DIDO1: variants seen among roughly 807,000 people sequenced by gnomAD.
DIDO1 encodes the protein death inducer-obliterator 1.
A neutral mutation model predicts 99.4 loss-of-function variants in DIDO1; 16 were observed. The ratio of observed to expected loss-of-function variants is 0.16; its 90% CI spans 0.11 to 0.24. DIDO1 has a LOEUF of 0.24. DIDO1 is among the 10% of genes least tolerant of loss of function. DIDO1 has a pLI of 1.00. For missense variants in DIDO1, 2,996 were observed against 3,014.0 expected, an observed-to-expected ratio of 0.99 and a Z score of 0.14; for synonymous variants, 1,366 against 1,239.1, an observed-to-expected ratio of 1.10 and a Z score of -2.15.
At chr20:62,893,081 C>T (rs552200702) in intron 12 of DIDO1, 119 bp from the exon 13 acceptor site, 233 of 1,112,274 alleles carry the variant, frequency 2.1e-4, no homozygotes, top group Non-Finnish European at 2.4e-4. Flanking sequence ...GGCTGGAGTG[C>T]GGTGGTGCAA....
intron 8 of DIDO1, among the ~76,000 whole-genome samples, chr20:62,895,720 G>A (rs955268944): frequency 4.6e-5 from 7 of 152,140 alleles, no homozygotes; most frequent in African/African-American, 7.2e-5. Context: ...TGTCCTCGTC[G>A]CATGGCCCAT....
chr20:62,905,623 A>G, intron 6 of DIDO1: 1 of 1,554,568 alleles, frequency 6.4e-7, no homozygotes, highest in Non-Finnish European at 8.7e-7. Context: ...AACAGAGATT[A>G]AAGAATCAAT....
intron 1 of DIDO1, among the ~76,000 whole-genome samples, chr20:62,935,016 C>T (rs2065367747): frequency 6.6e-6 from 1 of 152,232 alleles, no homozygotes; most frequent in Admixed American, 6.5e-5. Flanking sequence ...AACTCTAGCC[C>T]TGCTCTTCCC....
upstream of DIDO1, among the ~76,000 whole-genome samples, chr20:62,931,348 T>C (rs1034077661): frequency 2.0e-5 from 3 of 152,222 alleles, no homozygotes; most frequent in Admixed American, 6.5e-5. Flanking sequence ...GTCTAAGTTT[T>C]CTCTTTGAGG....
At chr20:62,929,693 G>GCATATATATATATATATATATA (rs1555853760), upstream of DIDO1, among the ~76,000 whole-genome samples, 1 of 97,968 alleles carries the variant, frequency 1.0e-5, no homozygotes, top group African/African-American at 5.3e-5. Context: ...AAAAGAAAAA[G>GCATATATATATATATATATATA]TGTATATATA....
chr20:62,880,582 G>A lies in DIDO1; in HGVS notation c.5374C>T (p.Pro1792Ser), dbSNP rs770782054. Residue 1792 changes from proline (P) to serine (S), a missense_variant, in exon 16 of 16, where the codon CCA (proline) becomes TCA (serine). Physicochemically the swap from Pro to Ser is moderately conservative, Grantham distance 74. This residue lies in a region of DIDO1 where 1,562 missense variants were observed against 1,412.6 expected (regional missense o/e 1.11). Coordinates refer to ENST00000395343, the MANE Select transcript of DIDO1 (RefSeq NM_001193369.2). The part of the protein sequence containing the change: ...PEENIASNDG[P>S]RGPPPARFGA... ...AATCTGGCTGGCGGAGGCCCTCGTG[G>A]CCCATCGTTAGAAGCGATATTCTCT... is the stretch of plus-strand genomic sequence containing the variant. 2.1e-5 allele frequency: 34 copies of A among 1,612,824 alleles called. No homozygotes were observed. The African/African-American group carries it at 2.4e-4, about 11-fold the overall frequency.
At chr20:62,933,010 C>G (rs531119186) in intron 1 of DIDO1, among the ~76,000 whole-genome samples, 1 of 152,140 alleles carries the variant, frequency 6.6e-6, no homozygotes, top group African/African-American at 2.4e-5. Flanking sequence ...GTCTGGAGTT[C>G]GAGACCAGCC....
Position 62,880,528 on chromosome 20 carries a change from A to C in DIDO1, c.5428T>G (p.Leu1810Val). ...GGTGGCCCATGTTGCCCCGAGAATA[A>C]GGAAGGGATGGGCCCCTTCTGGGCT... ...FGAQKGPIPS[L>V]FSGQHGPPPY... The change falls in exon 16 of 16, where the codon TTA (leucine) becomes GTA (valine). Residue 1810 changes from leucine to valine, a missense_variant. Transcript: ENST00000395343. 1 of 1,612,904 alleles carries C rather than the reference A, an allele frequency of 6.2e-7. No homozygotes were observed. Among genetic ancestry groups the C allele is most frequent in the Non-Finnish European group, 8.5e-7 (1 of 1,179,934 alleles).
chr20:62,887,853 G>T, intron 15 of DIDO1: 1 of 985,502 alleles, frequency 1.0e-6, no homozygotes, highest in African/African-American at 1.7e-5. Flanking sequence ...AGGTCACCTG[G>T]AACCAGGCCT....
Position 62,906,077 on chromosome 20 carries a change from C to G in DIDO1, c.1398G>C (p.Val466=). 6.2e-7 allele frequency: 1 copy of G among 1,611,850 alleles called. No homozygotes were observed. Residue 466 remains valine (V), a synonymous_variant, in exon 6 of 16, where the codon GTG becomes GTC. Coordinates refer to ENST00000395343, the MANE Select transcript of DIDO1 (RefSeq NM_001193369.2). ...GAQAGIKISS[V]HKRPAPEKKE... Reference sequence around the variant, plus strand: ...TTTTTTCTGGAGCTGGTCTCTTGTGCACAGAAGAGATTTTAATACCTGCCT... The same window carrying G: ...TTTTTTCTGGAGCTGGTCTCTTGTGGACAGAAGAGATTTTAATACCTGCCT...
intron 15 of DIDO1, chr20:62,889,489 C>T (rs1368165724): frequency 7.1e-6 from 7 of 985,472 alleles, no homozygotes; most frequent in South Asian, 4.7e-5. Context: ...AATCATGTTT[C>T]TGTAAAGAAA....
chr20:62,927,192 G>A (rs1309597504), upstream of DIDO1, among the ~76,000 whole-genome samples: 1 of 152,138 alleles, frequency 6.6e-6, no homozygotes, highest in East Asian at 1.9e-4. Flanking sequence ...TTGGCGGTGT[G>A]GTCCCAAAGC....
At chr20:62,899,038 T>TG (rs1420883740) in intron 6 of DIDO1, among the ~76,000 whole-genome samples, 2 of 149,240 alleles carry the variant, frequency 1.3e-5, no homozygotes, top group African/African-American at 5.0e-5. Context: ...AGCGAGGGGG[T>TG]GGGGTGAGGA....
chr20:62,903,673 GA>G (rs762034465), intron 6 of DIDO1, among the ~76,000 whole-genome samples: 2 of 152,200 alleles, frequency 1.3e-5, no homozygotes, highest in Non-Finnish European at 2.9e-5. Context: ...ACATTTACGG[GA>G]TAACAAAACG....
At chr20:62,905,260 G>C (rs2064775088) in intron 6 of DIDO1, 19 of 1,345,442 alleles carry the variant, frequency 1.4e-5, no homozygotes, top group Non-Finnish European at 1.8e-5. Context: ...CACTTACCGT[G>C]GGGCCTATGA....
intron 8 of DIDO1, among the ~76,000 whole-genome samples, chr20:62,895,669 G>A (rs2064503507): frequency 6.6e-6 from 1 of 152,210 alleles, no homozygotes. Context: ...AACACCACAA[G>A]GCTGTCAGCC....
At chr20:62,928,173 G>T (rs1318501540), upstream of DIDO1, among the ~76,000 whole-genome samples, 1 of 152,188 alleles carries the variant, frequency 6.6e-6, no homozygotes, top group East Asian at 1.9e-4. Flanking sequence ...ATTTTTAAGA[G>T]ATTTTAACTC....
rs148999779 is a variant in DIDO1 at position 62,905,336 on chromosome 20, A to G, written c.1588+551T>C. 4.2e-6 allele frequency: 6 copies of G among 1,432,844 alleles called. No homozygotes were observed. In the African/African-American group the frequency reaches 5.8e-5, roughly 14 times the overall value. 88.8% of individuals were successfully genotyped at this position (1,432,844 alleles called of 1,614,324 possible). On this transcript the variant is annotated intron_variant, in intron 6 of 15. Transcript: ENST00000395343. ...TGGGTGTGTAGCGTGTGAATCGGAC[A>G]TGGAAAAAAAAAAATCCCCTATCTG...
At chr20:62,895,855 T>C (rs1423625244) in intron 8 of DIDO1, among the ~76,000 whole-genome samples, 1 of 151,936 alleles carries the variant, frequency 6.6e-6, no homozygotes, top group Non-Finnish European at 1.5e-5. Context: ...GAAAATAAGG[T>C]GGAAAAGGCT....
Sources: gnomAD v4.1 joint callset for allele counts (sites outside exome capture counted in the v4.1 genomes callset) on GRCh38, gnomAD v4.1.1 for gene constraint, gnomAD v4.1.1 regional missense constraint, MANE v1.5 for transcripts, NCBI Gene and HGNC (gene_info 2026-07-23, HGNC 2026-07-21) for gene names.